Variants in ZYG11B observed in about 807,000 individuals in gnomAD.
ZYG11B encodes the protein zyg-11 family member B, cell cycle regulator.
A neutral mutation model predicts 82.4 loss-of-function variants in ZYG11B; 36 were observed. That is an observed-to-expected ratio of 0.44 (90% CI 0.33 to 0.58). ZYG11B has a LOEUF of 0.58. Among genes scored for constraint, ZYG11B ranks in the 20% least tolerant of loss-of-function variants. The pLI is 0.02. For missense variants in ZYG11B, 552 were observed against 895.6 expected, an observed-to-expected ratio of 0.62 and a Z score of 4.90; for synonymous variants, 303 against 312.8, an observed-to-expected ratio of 0.97 and a Z score of 0.33.
intron 8 of ZYG11B, among the ~76,000 whole-genome samples, chr1:52,798,897 T>TA (rs1645051151): frequency 6.6e-6 from 1 of 152,156 alleles, no homozygotes; most frequent in Non-Finnish European, 1.5e-5. Flanking sequence ...GTTTGAATAG[T>TA]AATACTACAT....
chr1:52,767,616 T>C lies in ZYG11B; in HGVS notation c.197-3404T>C, dbSNP rs1644709601. Among the ~76,000 whole-genome samples the C allele has an allele frequency of 5.9e-5, 9 of 152,144 alleles. No homozygotes were observed. In the South Asian group the frequency reaches 1.9e-3, roughly 32 times the overall value. Reference sequence around the variant, plus strand: ...CTATGCCCAGCCAGATTAGGGTTAATGTTCTTTCTGGTTCCCCACTTGGCT... The same window carrying C: ...CTATGCCCAGCCAGATTAGGGTTAACGTTCTTTCTGGTTCCCCACTTGGCT... On this transcript the variant is annotated intron_variant, in intron 2 of 13. Coordinates refer to ENST00000294353, the MANE Select transcript of ZYG11B (RefSeq NM_024646.3).
Position 52,776,229 on chromosome 1 carries a change from A to ATATATATATATATAT in ZYG11B, c.952-3624_952-3623insTATATATATATATAT, listed in dbSNP as rs1553260250. On this transcript the variant is annotated intron_variant, in intron 3 of 13. Transcript: ENST00000294353. ...AGCAAAACTCTGTCTTAAAAAAAAA[A>ATATATATATATATAT]ATATATATATATATATGCAATAAAG... Among the ~76,000 whole-genome samples the ATATATATATATATAT allele has an allele frequency of 1.1e-3, 26 of 23,540 alleles. 2 individuals carry two copies. The highest frequency in any genetic ancestry group is 2.4e-3 in the Non-Finnish European group (21 of 8,666). The allele number at this position is 23,540 out of a possible 152,430, so 15.4% of individuals were successfully genotyped here. A position where few individuals can be genotyped will look rare whatever the true frequency, so the allele number is the denominator to read the frequency against.
At chr1:52,762,498 C>T (rs553102094) in intron 2 of ZYG11B, among the ~76,000 whole-genome samples, 3 of 150,598 alleles carry the variant, frequency 2.0e-5, no homozygotes, top group Admixed American at 6.6e-5. Flanking sequence ...CATGAGCCAC[C>T]GTGCCTGGCC....
In ZYG11B at chr1:52,742,942, C is replaced by T. The variant is rs1329265181; in HGVS notation, c.31-13516C>T. On this transcript the variant is annotated intron_variant, in intron 1 of 13. Coordinates refer to ENST00000294353, the MANE Select transcript of ZYG11B (RefSeq NM_024646.3). ...CCCCGTCCGGGAGGGAGGTGGGGGG[C>T]AGCCCCCGCCCGGCCAGCCGCCCCG... Among the ~76,000 whole-genome samples the T allele has an allele frequency of 3.3e-5, 5 of 151,368 alleles. No individual in the cohort carries two copies. In the South Asian group the frequency reaches 6.2e-4, roughly 19 times the overall value.
At chr1:52,800,668 G>A (rs753996756) in intron 8 of ZYG11B, among the ~76,000 whole-genome samples, 2 of 152,030 alleles carry the variant, frequency 1.3e-5, no homozygotes, top group Admixed American at 1.3e-4. Context: ...AATTAGCCAG[G>A]TGTGGTGGCA....
At chr1:52,783,882 A>ATGTACATACACGTCTGTGTG (rs74208826) in intron 4 of ZYG11B, among the ~76,000 whole-genome samples, 1 of 126,012 alleles carries the variant, frequency 7.9e-6, no homozygotes. Flanking sequence ...ACGTGTGTGT[A>ATGTACATACACGTCTGTGTG]TATGTACATA....
chr1:52,789,608 G>A (rs994615039), intron 5 of ZYG11B, among the ~76,000 whole-genome samples: 11 of 152,020 alleles, frequency 7.2e-5, no homozygotes, highest in South Asian at 2.1e-4. Context: ...ACTACCCACC[G>A]TGTACTCTAT....
intron 1 of ZYG11B, among the ~76,000 whole-genome samples, chr1:52,733,660 G>GATCA (rs926277714): frequency 3.3e-5 from 5 of 152,180 alleles, no homozygotes; most frequent in Admixed American, 2.0e-4. Context: ...GACACTGTAA[G>GATCA]ATCAATCAAT....
At chr1:52,759,891 C>T (rs538882722) in intron 2 of ZYG11B, among the ~76,000 whole-genome samples, 4 of 152,172 alleles carry the variant, frequency 2.6e-5, no homozygotes, top group East Asian at 1.9e-4. Context: ...AGTGCAGTGG[C>T]GCGATCTCGG....
chr1:52,818,713 C>T (rs1215765969), intron 13 of ZYG11B, among the ~76,000 whole-genome samples: 1 of 151,708 alleles, frequency 6.6e-6, no homozygotes, highest in Non-Finnish European at 1.5e-5. Flanking sequence ...CTATAAAGGG[C>T]CTTATATAGG....
At chr1:52,785,708 A>T (rs933849860) in intron 5 of ZYG11B, among the ~76,000 whole-genome samples, 8 of 151,996 alleles carry the variant, frequency 5.3e-5, no homozygotes, top group Non-Finnish European at 1.5e-5. Context: ...GCCCACCTTA[A>T]CTTCTGAAAA....
At position 52,822,675 on chromosome 1, in the gene ZYG11B, G is replaced by A. The variant is rs768196339; in HGVS notation, c.*1046G>A. The A allele has an allele frequency of 2.0e-5, 3 of 152,138 alleles. No individual in the cohort carries two copies. Among genetic ancestry groups the A allele is most frequent in the African/African-American group, 7.2e-5 (3 of 41,426 alleles). The allele number at this position is 152,138 out of a possible 1,614,324, so 9.4% of individuals were successfully genotyped here. A position where few individuals can be genotyped will look rare whatever the true frequency, so the allele number is the denominator to read the frequency against. On this transcript the variant is annotated 3_prime_UTR_variant, in exon 14 of 14. Transcript: ENST00000294353. ...TTAATGTGTTCATGTTAGAGAAAGT[G>A]TCCCCATCTCACTGCCAAAAATGAA...
chr1:52,733,755 C>T (rs1644355798), intron 1 of ZYG11B, among the ~76,000 whole-genome samples: 1 of 152,122 alleles, frequency 6.6e-6, no homozygotes, highest in Non-Finnish European at 1.5e-5. Context: ...CATCAATGTA[C>T]TTATATTTCT....
In ZYG11B at chr1:52,823,495, C is replaced by CA. The variant is rs1262583795; in HGVS notation, c.*1870dup. On this transcript the variant is annotated 3_prime_UTR_variant, in exon 14 of 14. Coordinates refer to ENST00000294353, the MANE Select transcript of ZYG11B (RefSeq NM_024646.3). ...TTTCACAGACTAAGTTTATTTCAGA[C>CA]AAAATAGAGAATTCTTTTAAAAGTT... is the stretch of plus-strand genomic sequence containing the variant. The CA allele has an allele frequency of 6.8e-6, 1 of 148,050 alleles. No individual in the cohort carries two copies. Among genetic ancestry groups the CA allele is most frequent in the Non-Finnish European group, 1.5e-5 (1 of 67,194 alleles). The allele number at this position is 148,050 out of a possible 1,614,324, so 9.2% of individuals were successfully genotyped here.
At chr1:52,753,424 CTTT>C (rs3082846) in intron 1 of ZYG11B, among the ~76,000 whole-genome samples, 2 of 137,244 alleles carry the variant, frequency 1.5e-5, no homozygotes, top group African/African-American at 2.7e-5. Flanking sequence ...TGTTGTTGTT[CTTT>C]TTTTTTTTTT....
chr1:52,750,432 C>T (rs1274276491), intron 1 of ZYG11B, among the ~76,000 whole-genome samples: 1 of 152,128 alleles, frequency 6.6e-6, no homozygotes, highest in South Asian at 2.1e-4. Flanking sequence ...GCCACCATGC[C>T]TGGCTAATTT....
In ZYG11B at chr1:52,734,404, C is replaced by T. The variant is rs1003888506; in HGVS notation, c.30+7721C>T. ...TAGCTCTTAAAGTATATTTAATAAG[C>T]GGTAGAAATAGTCATTATTAACAAT... On this transcript the variant is annotated intron_variant, in intron 1 of 13. Transcript: ENST00000294353. 9.4e-5 allele frequency among the ~76,000 whole-genome samples: 14 copies of T among 149,622 alleles called. No individual in the cohort carries two copies. In the South Asian group the frequency reaches 1.1e-3, roughly 11 times the overall value.
intron 1 of ZYG11B, among the ~76,000 whole-genome samples, chr1:52,746,543 A>C (rs2149924303): frequency 6.6e-6 from 1 of 152,124 alleles, no homozygotes; most frequent in East Asian, 1.9e-4. Context: ...TAGTTTCTGA[A>C]AAATTGTGCC....
chr1:52,813,474 G>T, intron 10 of ZYG11B, 62 bp from the exon 11 acceptor site: 1 of 1,320,712 alleles, frequency 7.6e-7, no homozygotes, highest in East Asian at 2.5e-5. Flanking sequence ...CCTAAAAACA[G>T]TTATCTTAAC....
Sources: gnomAD v4.1 joint callset for allele counts (sites outside exome capture counted in the v4.1 genomes callset) on GRCh38, gnomAD v4.1.1 for gene constraint, MANE v1.5 for transcripts, NCBI Gene and HGNC (gene_info 2026-07-23, HGNC 2026-07-21) for gene names.